Variants in EPHB4 observed in about 807,000 individuals in gnomAD.
EPHB4 encodes ephrin type-B receptor 4.
EPHB4 carries 50 observed loss-of-function variants against 110.6 expected under a neutral mutation model. The ratio of observed to expected loss-of-function variants is 0.45; its 90% confidence interval spans 0.36 to 0.57. The LOEUF (loss-of-function observed/expected upper bound fraction) is 0.57. Ranked by LOEUF, EPHB4 falls within the 20% of genes least tolerant of loss-of-function variation. EPHB4 has a pLI of 0.00. For synonymous variants in EPHB4, 592 were observed against 578.4 expected (o/e 1.02, Z -0.34); for missense variants, 1,128 against 1,382.1 (o/e 0.82, Z 2.91).
In EPHB4 at chr7:100,807,351, AC is replaced by A. The variant is rs1562967452; in HGVS notation, c.2334+13del. The A allele has an allele frequency of 5.6e-6, 9 of 1,612,378 alleles. No homozygotes were observed. Among genetic ancestry groups the A allele is most frequent in the Non-Finnish European group, 6.8e-6 (8 of 1,179,488 alleles). ...CCCTAAGAAGCTCACACCCAGTATTACCCCCAGCATTACCAGGGAGCTCGTG... is the reference window on the plus strand; with the variant it reads ...CCCTAAGAAGCTCACACCCAGTATTACCCCAGCATTACCAGGGAGCTCGTG... On this transcript the variant is annotated intron_variant, in intron 13 of 16. Transcript: ENST00000358173.
chr7:100,807,103 C>T (rs1189997379), intron 13 of EPHB4, among the ~76,000 whole-genome samples: 2 of 152,174 alleles, frequency 1.3e-5, no homozygotes, highest in Non-Finnish European at 2.9e-5. Context: ...GCTGGGACTA[C>T]AGGTGCATGC....
At chr7:100,817,749 C>CG (rs1813112841) in intron 7 of EPHB4, among the ~76,000 whole-genome samples, 1 of 151,640 alleles carries the variant, frequency 6.6e-6, no homozygotes, top group African/African-American at 2.4e-5. Flanking sequence ...AGGCTGGTCT[C>CG]GAACTCTTCA....
In EPHB4 at chr7:100,827,166, C is replaced by T. The variant is rs534053763; in HGVS notation, c.-136G>A. 3.8e-5 allele frequency: 34 copies of T among 894,028 alleles called. No homozygotes were observed. The South Asian group carries it at 9.0e-4, about 24-fold the overall frequency. 55.4% of individuals were successfully genotyped at this position (894,028 alleles called of 1,614,324 possible). ...TCGGGGCCCTCAGCGCGGGCCCATG[C>T]GAGCGTGCGGGGCACCGGGCGGCGG... On this transcript the variant is annotated 5_prime_UTR_variant, in exon 1 of 17. Coordinates refer to ENST00000358173, the MANE Select transcript of EPHB4 (RefSeq NM_004444.5).
chr7:100,818,136 G>A (rs1439870170), intron 7 of EPHB4, among the ~76,000 whole-genome samples: 9 of 151,976 alleles, frequency 5.9e-5, no homozygotes, highest in Admixed American at 5.9e-4. Context: ...CAAAGTGCTG[G>A]GATTACAGGC....
intron 12 of EPHB4, among the ~76,000 whole-genome samples, chr7:100,808,397 G>C (rs149016254): frequency 6.6e-6 from 1 of 152,048 alleles, no homozygotes; most frequent in Non-Finnish European, 1.5e-5. Flanking sequence ...TAAAACAAAG[G>C]GGTTTTTTTG....
chr7:100,818,935 C>T (rs1040508125), intron 6 of EPHB4, among the ~76,000 whole-genome samples: 2 of 152,036 alleles, frequency 1.3e-5, no homozygotes, highest in African/African-American at 4.8e-5. Context: ...ACCTTGTGAT[C>T]AGCCTGGCCA....
intron 6 of EPHB4, among the ~76,000 whole-genome samples, chr7:100,819,058 T>C (rs576738300): frequency 2.6e-5 from 4 of 152,266 alleles, no homozygotes; most frequent in South Asian, 4.1e-4. Flanking sequence ...ACTGGGGGCC[T>C]TCCTGTACTT....
rs748671609 is a variant in EPHB4, at chr7:100,819,707, G to C, written c.1147C>G (p.Pro383Ala). 5.6e-6 allele frequency: 9 copies of C among 1,613,376 alleles called. No homozygotes were observed. Among genetic ancestry groups the C allele is most frequent in the Admixed American group, 1.7e-5 (1 of 59,982 alleles). Residue 383 changes from proline to alanine, a missense_variant, in exon 6 of 17, where the codon CCC becomes GCC. By Grantham distance (27) the Pro-to-Ala change is conservative. Transcript: ENST00000358173. ...CGGDLTFDPG[P>A]RDLVEPWVVV... ...ACCCAGGGCTCCACCAGGTCCCGGGGGCCGGGGTCAAAAGTCAGGTCTCCC... is the reference window on the plus strand; with the variant it reads ...ACCCAGGGCTCCACCAGGTCCCGGGCGCCGGGGTCAAAAGTCAGGTCTCCC...
chr7:100,817,859 G>GGT (rs1249398415), intron 7 of EPHB4, among the ~76,000 whole-genome samples: 1 of 47,090 alleles, frequency 2.1e-5, no homozygotes, highest in African/African-American at 8.0e-5. Context: ...TATTTTTTGC[G>GGT]TTTTTTTTTT....
In EPHB4 at chr7:100,819,612, G is replaced by C. The variant is rs1327061404; in HGVS notation, c.1242C>G (p.Ser414=). The part of the protein sequence containing the change: ...FEVTALNGVS[S]LATGPVPFEP... ...CAAATGGGACGGGCCCCGTGGCTAA[G>C]GAGGATACCCCGTTCAATGCAGTGA... is the stretch of plus-strand genomic sequence containing the variant. Residue 414 remains serine, a synonymous_variant, in exon 6 of 17, where the codon TCC becomes TCG. Coordinates refer to ENST00000358173, the MANE Select transcript of EPHB4 (RefSeq NM_004444.5). 6.3e-7 allele frequency: 1 copy of C among 1,598,670 alleles called. No individual in the cohort carries two copies. The highest frequency in any genetic ancestry group is 8.6e-7 in the Non-Finnish European group (1 of 1,167,676).
rs116640314 is a variant in EPHB4, at chr7:100,820,798, A to C, written c.809-502T>G. Among the ~76,000 whole-genome samples the C allele has an allele frequency of 8.2e-3, 1,254 of 152,276 alleles. 13 individuals carry two copies. The highest frequency in any genetic ancestry group is 0.029 in the African/African-American group (1,189 of 41,568). ...TTAACATATAGCAGCAAGTCTCCTA[A>C]CATCTGTGATACTGAAGTCACCATG... On this transcript the variant is annotated intron_variant, in intron 4 of 16. Transcript: ENST00000358173.
chr7:100,814,134 G>T (rs1055927236), intron 8 of EPHB4, 113 bp from the exon 9 acceptor site: 19 of 1,158,742 alleles, frequency 1.6e-5, no homozygotes, highest in Admixed American at 1.5e-4. Flanking sequence ...CAGTACAGGG[G>T]ACAGGTGGAG....
chr7:100,805,551 C>T lies in EPHB4; in HGVS notation c.2628G>A (p.Lys876=). The T allele has an allele frequency of 2.6e-6, 4 of 1,534,598 alleles. No individual in the cohort carries two copies. The highest frequency in any genetic ancestry group is 3.5e-6 in the Non-Finnish European group (4 of 1,141,778). The change falls in exon 15 of 17, where the codon AAG becomes AAA. Residue 876 remains lysine (K), a synonymous_variant. Coordinates refer to ENST00000358173, the MANE Select transcript of EPHB4 (RefSeq NM_004444.5). Reference sequence around the variant, plus strand: ...TGAGGCTGGCGGGGTTCCGGATCATCTTGTCCAGGGCGCTGACCACCTGGG... The same window carrying T: ...TGAGGCTGGCGGGGTTCCGGATCATTTTGTCCAGGGCGCTGACCACCTGGG... ...RFPQVVSALD[K]MIRNPASLKI...
Position 100,819,643 on chromosome 7 carries a change from A to G in EPHB4, c.1211T>C (p.Phe404Ser). The G allele has an allele frequency of 6.2e-7, 1 of 1,612,604 alleles. No homozygotes were observed. The highest frequency in any genetic ancestry group is 8.5e-7 in the Non-Finnish European group (1 of 1,178,946). The stretch of plus-strand genomic sequence containing the variant: ...TACCCCGTTCAATGCAGTGACCTCA[A>G]AGGTATAGGTGAAGTCAGGACGTAG... ...RGLRPDFTYT[F>S]EVTALNGVSS... Residue 404 changes from phenylalanine (F) to serine (S), a missense_variant, in exon 6 of 17, where the codon TTT becomes TCT. Physicochemically the swap from Phe to Ser is radical, Grantham distance 155. Around this residue, in one of 3 missense-constraint regions of EPHB4, gnomAD observed 728 missense variants for 828.6 expected, o/e 0.88. Coordinates refer to ENST00000358173, the MANE Select transcript of EPHB4 (RefSeq NM_004444.5).
Position 100,802,814 on chromosome 7 carries a change from A to G in EPHB4, c.*647T>C, listed in dbSNP as rs79415738. 6.6e-6 allele frequency: 1 copy of G among 152,218 alleles called. No homozygotes were observed. 9.4% of individuals were successfully genotyped at this position (152,218 alleles called of 1,614,324 possible). A position where few individuals can be genotyped will look rare whatever the true frequency, so the allele number is the denominator to read the frequency against. ...GACATGATGATGGGCCCCTGTTTCAACTTGGGCAAAGGAGGCCATAGTGAA... is the reference window on the plus strand; with the variant it reads ...GACATGATGATGGGCCCCTGTTTCAGCTTGGGCAAAGGAGGCCATAGTGAA... On this transcript the variant is annotated 3_prime_UTR_variant, in exon 17 of 17. Transcript: ENST00000358173.
chr7:100,812,683 C>T (rs1812963431), intron 12 of EPHB4, 64 bp downstream of exon 12: 2 of 1,561,958 alleles, frequency 1.3e-6, no homozygotes, highest in Middle Eastern at 1.8e-4. Flanking sequence ...GCTTCTTAAC[C>T]CAAGTGGCCT....
intron 1 of EPHB4, chr7:100,826,768 C>T (rs1813409214): frequency 1.9e-6 from 1 of 520,470 alleles, no homozygotes; most frequent in Non-Finnish European, 3.4e-6. Context: ...AGCCAGACTC[C>T]ATCTCTTTCC....
At chr7:100,814,698 GATTATTACGTCTCC>G (rs960269893) in intron 8 of EPHB4, among the ~76,000 whole-genome samples, 103 of 152,258 alleles carry the variant, frequency 6.8e-4, no homozygotes, top group African/African-American at 2.3e-3. Context: ...CCATACAACT[GATTATTACGTCTCC>G]ATAAAAAGAA....
intron 10 of EPHB4, 60 bp from the exon 11 acceptor site, chr7:100,813,268 C>T (rs1472460606): frequency 2.9e-5 from 35 of 1,226,342 alleles, no homozygotes; most frequent in African/African-American, 1.4e-4. Flanking sequence ...CTCGGAGGCT[C>T]GGCTCATAGC....
Sources: allele counts gnomAD v4.1 joint callset (sites outside exome capture counted in the v4.1 genomes callset), GRCh38; gene constraint gnomAD v4.1.1; regional missense constraint gnomAD v4.1.1; transcripts MANE v1.5; gene names NCBI Gene and HGNC (gene_info 2026-07-23, HGNC 2026-07-21).